DYNC2I1: variants seen among roughly 807,000 people sequenced by gnomAD.
DYNC2I1 encodes the protein dynein 2 intermediate chain 1.
A neutral mutation model predicts 133.4 loss-of-function variants in DYNC2I1; 89 were observed. That is an observed-to-expected ratio of 0.67 (90% confidence interval 0.56 to 0.80). The LOEUF (loss-of-function observed/expected upper bound fraction) is 0.80. Among genes scored for constraint, DYNC2I1 ranks in the 30% least tolerant of loss-of-function variants. The pLI is 0.00. For missense variants in DYNC2I1, 1,291 were observed against 1,314.5 expected (o/e 0.98, Z 0.28); for synonymous variants, 504 against 484.3 (o/e 1.04, Z -0.54).
chr7:158,844,042 G>A, the DYNC2I1 span, among the ~76,000 whole-genome samples: 14 of 152,168 alleles, frequency 9.2e-5, no homozygotes, highest in Non-Finnish European at 2.1e-4. Flanking sequence ...TTCTTCTCCA[G>A]CTCAATGGAT....
chr7:158,879,409 C>T (rs1843765030), intron 4 of DYNC2I1, among the ~76,000 whole-genome samples: 1 of 152,084 alleles, frequency 6.6e-6, no homozygotes, highest in Non-Finnish European at 1.5e-5. Flanking sequence ...GTAGTGTCTG[C>T]ATATAACCTA....
In DYNC2I1 at chr7:158,923,556, G is replaced by A. The variant is rs775024552; in HGVS notation, c.2095-15G>A. 1 of 1,613,982 alleles carries A rather than the reference G, an allele frequency of 6.2e-7. No individual in the cohort carries two copies. Among genetic ancestry groups the A allele is most frequent in the East Asian group, 2.2e-5 (1 of 44,884 alleles). ...TATTCTTCTGTCATTGGCTTTCTGTGCCTTTGTCTTTTAGGTCACGTGTTG... is the reference window on the plus strand; with the variant it reads ...TATTCTTCTGTCATTGGCTTTCTGTACCTTTGTCTTTTAGGTCACGTGTTG... On this transcript the variant is annotated splice_polypyrimidine_tract_variant and intron_variant, in intron 16 of 24. Transcript: ENST00000407559.
chr7:158,883,386 T>A (rs1386586566), intron 5 of DYNC2I1, among the ~76,000 whole-genome samples: 4 of 150,784 alleles, frequency 2.7e-5, no homozygotes, highest in African/African-American at 7.3e-5. Context: ...ATTATTATTT[T>A]TTTTTTTTTT....
At chr7:158,842,915 C>A in the DYNC2I1 span, among the ~76,000 whole-genome samples, 1 of 152,186 alleles carries the variant, frequency 6.6e-6, no homozygotes. Flanking sequence ...AATCAAAGCA[C>A]AGAGTATTAG....
At chr7:158,946,876 C>T (rs1851902931), downstream of DYNC2I1, among the ~76,000 whole-genome samples, 2 of 152,214 alleles carry the variant, frequency 1.3e-5, no homozygotes, top group Non-Finnish European at 2.9e-5. Flanking sequence ...ACAAGATCAC[C>T]TCCGCTTACT....
At chr7:158,887,195 A>G (rs1844693180) in intron 7 of DYNC2I1, 120 bp downstream of exon 7, 2 of 961,828 alleles carry the variant, frequency 2.1e-6, no homozygotes, top group South Asian at 1.5e-5. Context: ...CAGATGGTTT[A>G]TTCGAGTGGT....
At chr7:158,884,520 G>A (rs774342209) in intron 5 of DYNC2I1, 44 bp from the exon 6 acceptor site, 35 of 1,574,928 alleles carry the variant, frequency 2.2e-5, no homozygotes, top group Non-Finnish European at 2.5e-5. Context: ...ACTTCATTCC[G>A]ATATGCTAAT....
intron 1 of DYNC2I1, among the ~76,000 whole-genome samples, chr7:158,857,053 C>T (rs1297307342): frequency 6.6e-6 from 1 of 152,028 alleles, no homozygotes; most frequent in East Asian, 1.9e-4. Context: ...CGGCCTCGGC[C>T]CCTGCTGCGG....
upstream of DYNC2I1, among the ~76,000 whole-genome samples, chr7:158,852,918 G>A (rs1470323908): frequency 6.6e-6 from 1 of 152,174 alleles, no homozygotes; most frequent in Non-Finnish European, 1.5e-5. Context: ...GATTACAGTA[G>A]CTCAGTCAGG....
intron 3 of DYNC2I1, among the ~76,000 whole-genome samples, chr7:158,874,879 C>T (rs1310321861): frequency 1.3e-5 from 2 of 152,176 alleles, no homozygotes; most frequent in Non-Finnish European, 2.9e-5. Flanking sequence ...AGCCCCTCCA[C>T]ACTGGCTGTC....
intron 3 of DYNC2I1, among the ~76,000 whole-genome samples, chr7:158,873,031 T>C (rs1584982433): frequency 6.6e-6 from 1 of 152,060 alleles, no homozygotes; most frequent in Non-Finnish European, 1.5e-5. Flanking sequence ...TTTAGACTTA[T>C]TATCTCAATA....
chr7:158,902,760 C>T (rs1846373553), intron 10 of DYNC2I1, 165 bp downstream of exon 10: 2 of 638,218 alleles, frequency 3.1e-6, no homozygotes, highest in Non-Finnish European at 5.4e-6. Context: ...CATAGGAGGC[C>T]CCTGAAGACT....
intron 5 of DYNC2I1, 148 bp from the exon 6 acceptor site, chr7:158,884,416 G>C (rs1844391782): frequency 1.7e-6 from 1 of 589,790 alleles, no homozygotes; most frequent in Admixed American, 3.6e-5. Context: ...AAAATAACTG[G>C]TAAAAATAGT....
chr7:158,949,952 G>A (rs184881779), downstream of DYNC2I1, among the ~76,000 whole-genome samples: 6 of 152,132 alleles, frequency 3.9e-5, no homozygotes, highest in Admixed American at 1.3e-4. Context: ...TGTATTTTTA[G>A]TAGAGATGGG....
upstream of DYNC2I1, among the ~76,000 whole-genome samples, chr7:158,855,257 G>A (rs763485158): frequency 6.6e-5 from 10 of 152,206 alleles, no homozygotes; most frequent in Non-Finnish European, 1.5e-4. Flanking sequence ...TGAGCCAGGA[G>A]TGCTGATTGG....
intron 1 of DYNC2I1, among the ~76,000 whole-genome samples, chr7:158,863,785 C>CG (rs1284240223): frequency 0.12 from 671 of 5,742 alleles, 26 homozygotes; most frequent in African/African-American, 0.18. Context: ...GGTGTGGGGG[C>CG]GGGGGGGAGC....
At chr7:158,940,091 CAG>C (rs546019407) in intron 23 of DYNC2I1, among the ~76,000 whole-genome samples, 79 of 152,308 alleles carry the variant, frequency 5.2e-4, no homozygotes, top group African/African-American at 1.7e-3. Flanking sequence ...ATTACCCAGA[CAG>C]AAAGTCAACA....
intron 8 of DYNC2I1, among the ~76,000 whole-genome samples, chr7:158,901,355 A>T (rs180811332): frequency 6.6e-6 from 1 of 152,204 alleles, no homozygotes; most frequent in Non-Finnish European, 1.5e-5. Context: ...TAAAGGTGTG[A>T]GCCACAGTGC....
intron 8 of DYNC2I1, among the ~76,000 whole-genome samples, chr7:158,895,139 T>G (rs1022573542): frequency 2.0e-5 from 3 of 152,212 alleles, no homozygotes; most frequent in African/African-American, 7.2e-5. Flanking sequence ...AGAACAGAAG[T>G]TTTTAATTTT....
Sources: allele counts gnomAD v4.1 joint callset (sites outside exome capture counted in the v4.1 genomes callset), GRCh38; gene constraint gnomAD v4.1.1; transcripts MANE v1.5; gene names NCBI Gene and HGNC (gene_info 2026-07-23, HGNC 2026-07-21).